NBEAL1: variants seen among roughly 807,000 people sequenced by gnomAD.
NBEAL1 encodes the protein neurobeachin like 1.
NBEAL1 carries 273 observed loss-of-function variants against 351.3 expected under a neutral mutation model. The observed-to-expected ratio is 0.78, with a 90% CI of 0.70 to 0.86. The LOEUF is 0.86. Ranked by LOEUF, NBEAL1 falls within the 40% of genes least tolerant of loss-of-function variation. The probability of loss-of-function intolerance (pLI) is 0.00; values close to 1 mark genes in which losing one functional copy is unlikely to be tolerated. For synonymous variants in NBEAL1, 1,050 were observed against 1,086.4 expected (o/e 0.97, Z 0.66); for missense variants, 2,961 against 3,201.3 (o/e 0.92, Z 1.81).
chr2:203,039,179 CCTTTCCTTTT>C (rs2061088163), intron 2 of NBEAL1, among the ~76,000 whole-genome samples: 1 of 94,286 alleles, frequency 1.1e-5, no homozygotes, highest in Non-Finnish European at 2.9e-5. Context: ...TTTTTTCTTT[CCTTTCCTTTT>C]CTTTCCTTTC....
At chr2:203,108,241 T>C (rs2062480793) in intron 14 of NBEAL1, 53 bp downstream of exon 14, 1 of 1,332,520 alleles carries the variant, frequency 7.5e-7, no homozygotes, top group Admixed American at 2.5e-5. Context: ...CAATATATGC[T>C]GTGATTCTTA....
chr2:203,026,266 A>C (rs1422803537), intron 2 of NBEAL1, among the ~76,000 whole-genome samples: 1 of 152,122 alleles, frequency 6.6e-6, no homozygotes, highest in East Asian at 1.9e-4. Flanking sequence ...ATAATGTTAG[A>C]TATTTTATTA....
intron 8 of NBEAL1, among the ~76,000 whole-genome samples, chr2:203,078,078 T>G (rs1477113654): frequency 2.0e-5 from 3 of 152,178 alleles, no homozygotes; most frequent in Non-Finnish European, 2.9e-5. Flanking sequence ...TAAGTTCTTA[T>G]TTATGTTAGC....
At chr2:203,166,074 A>T in intron 36 of NBEAL1, 75 bp from the exon 37 acceptor site, 2 of 1,305,900 alleles carry the variant, frequency 1.5e-6, no homozygotes, top group Non-Finnish European at 2.1e-6. Context: ...GATTATATTT[A>T]AATGTGGCAT....
intron 51 of NBEAL1, among the ~76,000 whole-genome samples, chr2:203,207,265 G>T (rs2065623498): frequency 6.6e-6 from 1 of 151,310 alleles, no homozygotes; most frequent in South Asian, 2.1e-4. Context: ...CCGCCCGGCA[G>T]CCACCCCGTC....
chr2:203,072,209 A>G (rs769863941), intron 7 of NBEAL1, among the ~76,000 whole-genome samples: 14 of 152,196 alleles, frequency 9.2e-5, no homozygotes, highest in Non-Finnish European at 1.9e-4. Context: ...TATAGAATCC[A>G]AGAAGTCCAA....
intron 2 of NBEAL1, among the ~76,000 whole-genome samples, chr2:203,023,900 T>G (rs1472780681): frequency 6.6e-6 from 1 of 151,116 alleles, no homozygotes; most frequent in African/African-American, 2.4e-5. Flanking sequence ...GAAGACAGAG[T>G]TTTGGAACCA....
chr2:203,143,357 C>T (rs1175841136), intron 31 of NBEAL1, among the ~76,000 whole-genome samples: 1 of 145,216 alleles, frequency 6.9e-6, no homozygotes, highest in East Asian at 1.9e-4. Context: ...GGTTTCTGAT[C>T]AAGGACTTGG....
intron 7 of NBEAL1, among the ~76,000 whole-genome samples, chr2:203,073,674 G>A (rs984291836): frequency 6.6e-6 from 1 of 152,030 alleles, no homozygotes; most frequent in Admixed American, 6.5e-5. Flanking sequence ...ATTGATCTTT[G>A]CAGTGAACTA....
intron 8 of NBEAL1, among the ~76,000 whole-genome samples, chr2:203,081,456 A>G (rs2061871233): frequency 6.6e-6 from 1 of 152,258 alleles, no homozygotes; most frequent in Non-Finnish European, 1.5e-5. Flanking sequence ...GGACTAAATG[A>G]CATAATATAT....
intron 31 of NBEAL1, among the ~76,000 whole-genome samples, chr2:203,139,171 A>AT (rs949791163): frequency 1.9e-4 from 29 of 149,006 alleles, no homozygotes; most frequent in South Asian, 4.2e-4. Context: ...TTTATCTCAT[A>AT]TTTTTTTTTT....
At chr2:203,209,074 T>C in intron 52 of NBEAL1, 87 bp from the exon 53 acceptor site, 6 of 1,093,888 alleles carry the variant, frequency 5.5e-6, no homozygotes, top group Non-Finnish European at 6.6e-6. Context: ...CTTTCCCACA[T>C]TTCTTTATCT....
intron 12 of NBEAL1, among the ~76,000 whole-genome samples, chr2:203,105,171 T>C (rs2062406457): frequency 6.6e-6 from 1 of 151,502 alleles, no homozygotes; most frequent in African/African-American, 2.4e-5. Flanking sequence ...TCTTTAAGAA[T>C]GCTGAATATG....
At chr2:203,033,169 T>G (rs898086909) in intron 2 of NBEAL1, among the ~76,000 whole-genome samples, 1 of 151,696 alleles carries the variant, frequency 6.6e-6, no homozygotes, top group African/African-American at 2.4e-5. Context: ...CATGGCTAAT[T>G]TTTTGTATTT....
intron 10 of NBEAL1, among the ~76,000 whole-genome samples, chr2:203,089,891 CT>C (rs535862035): frequency 7.4e-4 from 113 of 152,162 alleles, no homozygotes; most frequent in Middle Eastern, 3.4e-3. Flanking sequence ...GAAAGTGATT[CT>C]TTTCATTTTC....
At chr2:203,180,728 G>A (rs2064687181) in intron 43 of NBEAL1, among the ~76,000 whole-genome samples, 2 of 152,050 alleles carry the variant, frequency 1.3e-5, no homozygotes, top group Non-Finnish European at 1.5e-5. Flanking sequence ...GAATCAGTAA[G>A]AGAATTTATC....
chr2:203,049,627 CT>C (rs147030224), intron 3 of NBEAL1, among the ~76,000 whole-genome samples, 186 bp from the exon 4 acceptor site: 2,708 of 152,292 alleles, frequency 0.018, 43 homozygotes, highest in Admixed American at 0.029. Flanking sequence ...CTAGTTACTT[CT>C]AGTTACTAAT....
Position 203,136,127 on chromosome 2 carries a change from A to C in NBEAL1, c.4264A>C (p.Ser1422Arg). ...TGATAGTGGAAGTCAAGTGCCAGAC[A>C]GTCTGCCTAGCACACCATCCCCAGT... ...MSDSGSQVPD[S>R]LPSTPSPVES... The change falls in exon 28 of 56, where the codon AGT becomes CGT. Residue 1422 changes from serine (S) to arginine (R), a missense_variant. Ser to Arg is a moderately radical substitution (Grantham distance 110). Coordinates refer to ENST00000683969, the MANE Select transcript of NBEAL1 (RefSeq NM_001378026.1). 1 of 1,614,212 alleles carries C rather than the reference A, an allele frequency of 6.2e-7. No individual in the cohort carries two copies. Among genetic ancestry groups the C allele is most frequent in the Non-Finnish European group, 8.5e-7 (1 of 1,180,010 alleles).
intron 42 of NBEAL1, among the ~76,000 whole-genome samples, chr2:203,175,901 A>C (rs1408425114): frequency 6.6e-6 from 1 of 152,090 alleles, no homozygotes; most frequent in Non-Finnish European, 1.5e-5. Flanking sequence ...GAGCTATGTA[A>C]ATATTGCCTT....
Sources: gnomAD v4.1 joint callset for allele counts (sites outside exome capture counted in the v4.1 genomes callset) on GRCh38, gnomAD v4.1.1 for gene constraint, MANE v1.5 for transcripts, NCBI Gene and HGNC (gene_info 2026-07-23, HGNC 2026-07-21) for gene names.